ANKRD44: variants seen among roughly 807,000 people sequenced by gnomAD.
ANKRD44 encodes the protein serine/threonine-protein phosphatase 6 regulatory ankyrin repeat subunit B.
Under a neutral mutation model 116.0 loss-of-function variants are expected in ANKRD44, and 35 were observed. The ratio of observed to expected loss-of-function variants is 0.30; its 90% CI spans 0.23 to 0.40. The LOEUF is 0.40. Ranked by LOEUF, ANKRD44 falls within the 10% of genes least tolerant of loss-of-function variation. The pLI, the probability that ANKRD44 is intolerant of heterozygous loss-of-function variation, is 1.00. For missense variants in ANKRD44, 1,014 were observed against 1,242.6 expected (o/e 0.82, Z 2.77); for synonymous variants, 435 against 461.8 (o/e 0.94, Z 0.74).
intron 1 of ANKRD44, among the ~76,000 whole-genome samples, chr2:197,273,617 C>T (rs190531169): frequency 3.3e-5 from 5 of 152,150 alleles, no homozygotes; most frequent in African/African-American, 9.6e-5. Flanking sequence ...AGGAAGAGGG[C>T]GCAGGGCCTA....
chr2:196,971,435 C>T (rs2075715189), intron 21 of ANKRD44, among the ~76,000 whole-genome samples: 1 of 152,202 alleles, frequency 6.6e-6, no homozygotes, highest in Non-Finnish European at 1.5e-5. Context: ...CGGCTCACTG[C>T]AACCTTCCCC....
chr2:197,280,264 A>C (rs1240246231), intron 1 of ANKRD44, among the ~76,000 whole-genome samples: 3 of 152,182 alleles, frequency 2.0e-5, no homozygotes, highest in Non-Finnish European at 2.9e-5. Context: ...TAAAGAAAAA[A>C]GGGGCTATGG....
intron 1 of ANKRD44, among the ~76,000 whole-genome samples, chr2:197,221,725 G>A (rs539971200): frequency 3.3e-5 from 5 of 152,326 alleles, no homozygotes; most frequent in African/African-American, 9.6e-5. Context: ...GACAGCATAT[G>A]TTATACTGTG....
At chr2:197,097,594 G>A (rs1443247102) in intron 10 of ANKRD44, among the ~76,000 whole-genome samples, 1 of 152,126 alleles carries the variant, frequency 6.6e-6, no homozygotes, top group African/African-American at 2.4e-5. Context: ...AATACTATTT[G>A]TCAGCATTCT....
intron 2 of ANKRD44, among the ~76,000 whole-genome samples, chr2:197,177,334 G>A (rs1168573422): frequency 1.3e-5 from 2 of 152,184 alleles, no homozygotes; most frequent in African/African-American, 4.8e-5. Context: ...AGAAAGAAAA[G>A]AATTCTACTA....
intron 2 of ANKRD44, among the ~76,000 whole-genome samples, chr2:197,157,306 T>C (rs2079843326): frequency 6.6e-6 from 1 of 152,310 alleles, no homozygotes; most frequent in East Asian, 1.9e-4. Flanking sequence ...TGTTATGCCC[T>C]GGTTATGTGT....
intron 1 of ANKRD44, among the ~76,000 whole-genome samples, chr2:197,264,499 T>C (rs906298909): frequency 2.0e-5 from 3 of 152,258 alleles, no homozygotes; most frequent in Admixed American, 6.5e-5. Flanking sequence ...AGTTTGATGA[T>C]AGCATCAACG....
chr2:197,183,775 CCATTCATT>C (rs150212265), intron 2 of ANKRD44, among the ~76,000 whole-genome samples: 2 of 151,908 alleles, frequency 1.3e-5, no homozygotes, highest in Non-Finnish European at 2.9e-5. Context: ...TGTTCTTTAT[CCATTCATT>C]CATTCATTCA....
intron 17 of ANKRD44, among the ~76,000 whole-genome samples, chr2:197,017,481 T>C (rs974893960): frequency 6.6e-6 from 1 of 152,188 alleles, no homozygotes; most frequent in African/African-American, 2.4e-5. Context: ...AGAGTACAGA[T>C]ACATTAAATA....
chr2:197,027,429 C>A lies in ANKRD44; in HGVS notation c.1651-2162G>T, dbSNP rs140391868. Among the ~76,000 whole-genome samples, 23 of 152,060 alleles carry A rather than the reference C, an allele frequency of 1.5e-4. 1 individual carries two copies. In the East Asian group the frequency reaches 4.5e-3, roughly 30 times the overall value. The stretch of plus-strand genomic sequence containing the variant: ...GTTTTGGAGCTCAGGGTATTTAAAG[C>A]CATAAGATTGGATGAGATGAACAGA... On this transcript the variant is annotated intron_variant, in intron 16 of 27. Coordinates refer to ENST00000282272, the MANE Select transcript of ANKRD44 (RefSeq NM_001195144.2).
chr2:197,250,070 TATCTCTCTTAACAAA>T (rs1308157453), intron 1 of ANKRD44, among the ~76,000 whole-genome samples: 2 of 152,346 alleles, frequency 1.3e-5, no homozygotes, highest in African/African-American at 2.4e-5. Flanking sequence ...ACATTTGATT[TATCTCTCTTAACAAA>T]ATCTCTAGAG....
intron 16 of ANKRD44, among the ~76,000 whole-genome samples, chr2:197,057,763 T>G (rs1229089094): frequency 6.6e-6 from 1 of 152,124 alleles, no homozygotes; most frequent in African/African-American, 2.4e-5. Flanking sequence ...GAGGCTGAGG[T>G]GGGAGGATCG....
intron 1 of ANKRD44, among the ~76,000 whole-genome samples, chr2:197,254,828 T>A (rs2082408881): frequency 6.6e-6 from 1 of 152,202 alleles, no homozygotes; most frequent in African/African-American, 2.4e-5. Context: ...GGGAAATTGA[T>A]ACTCTAGGCG....
intron 1 of ANKRD44, among the ~76,000 whole-genome samples, chr2:197,276,997 G>A (rs1339866787): frequency 2.0e-5 from 3 of 149,752 alleles, no homozygotes; most frequent in Non-Finnish European, 4.4e-5. Flanking sequence ...GCGCAATCTC[G>A]GCTCACTGCA....
intron 16 of ANKRD44, among the ~76,000 whole-genome samples, chr2:197,069,059 C>A (rs1239763191): frequency 2.6e-5 from 4 of 152,144 alleles, no homozygotes; most frequent in Admixed American, 1.3e-4. Flanking sequence ...AAATGTCCAT[C>A]AATGATAGAC....
rs567930980 is a variant in ANKRD44, at chr2:197,264,060, G to A, written c.27+46518C>T. 2.6e-5 allele frequency among the ~76,000 whole-genome samples: 4 copies of A among 152,238 alleles called. No homozygotes were observed. In the South Asian group the frequency reaches 8.3e-4, roughly 32 times the overall value. Reference sequence around the variant, plus strand: ...ACTCGAGCCTAGGAGCTTGAGACCAGCCTGGGCAACATAGTGAGATCATGT... The same window carrying A: ...ACTCGAGCCTAGGAGCTTGAGACCAACCTGGGCAACATAGTGAGATCATGT... On this transcript the variant is annotated intron_variant, in intron 1 of 27. Transcript: ENST00000282272.
chr2:197,285,681 A>G (rs2083386562), intron 1 of ANKRD44, among the ~76,000 whole-genome samples: 1 of 152,244 alleles, frequency 6.6e-6, no homozygotes, highest in African/African-American at 2.4e-5. Flanking sequence ...CATCTCAGGC[A>G]TGCCCCCAGT....
At chr2:197,255,506 C>A (rs1237663479) in intron 1 of ANKRD44, among the ~76,000 whole-genome samples, 1 of 152,216 alleles carries the variant, frequency 6.6e-6, no homozygotes, top group Admixed American at 6.5e-5. Context: ...AGCTAGGTAT[C>A]CCTTCTTTTC....
chr2:197,187,569 TA>T (rs1312900620), intron 1 of ANKRD44, among the ~76,000 whole-genome samples: 1 of 152,000 alleles, frequency 6.6e-6, no homozygotes, highest in Non-Finnish European at 1.5e-5. Flanking sequence ...AAAGAGGTCG[TA>T]AGGGTGTGGC....
Sources: gnomAD v4.1 joint callset for allele counts (sites outside exome capture counted in the v4.1 genomes callset) on GRCh38, gnomAD v4.1.1 for gene constraint, MANE v1.5 for transcripts, NCBI Gene and HGNC (gene_info 2026-07-23, HGNC 2026-07-21) for gene names.